Variants in EPHB1 observed in about 807,000 individuals in gnomAD.
EPHB1 encodes the protein EPH receptor B1.
In EPHB1, 30 loss-of-function variants were observed where a neutral mutation model predicts 94.4. The ratio of observed to expected loss-of-function variants is 0.32; its 90% CI spans 0.24 to 0.43. EPHB1 has a LOEUF of 0.43. Ranked by LOEUF, EPHB1 falls within the 20% of genes least tolerant of loss-of-function variation. EPHB1 has a pLI of 1.00. For synonymous variants in EPHB1, 522 were observed against 489.1 expected (o/e 1.07, Z -0.89); for missense variants, 1,055 against 1,308.3 (o/e 0.81, Z 2.99).
intron 12 of EPHB1, among the ~76,000 whole-genome samples, chr3:135,212,553 C>T (rs148755694): frequency 4.6e-5 from 7 of 152,254 alleles, no homozygotes; most frequent in Middle Eastern, 3.4e-3. Flanking sequence ...ATGCGTGTTT[C>T]GGGGGTCAGC....
intron 5 of EPHB1, among the ~76,000 whole-genome samples, chr3:135,153,290 A>G (rs1941249695): frequency 6.6e-6 from 1 of 152,214 alleles, no homozygotes; most frequent in Non-Finnish European, 1.5e-5. Flanking sequence ...CCCTGAGCAG[A>G]GCACAGATTG....
At chr3:135,039,784 C>G (rs1362647013) in intron 3 of EPHB1, among the ~76,000 whole-genome samples, 1 of 152,236 alleles carries the variant, frequency 6.6e-6, no homozygotes, top group Non-Finnish European at 1.5e-5. Flanking sequence ...GCGCCGCACG[C>G]AGCCCCGGTT....
At chr3:135,112,035 T>G (rs1476045275) in intron 4 of EPHB1, among the ~76,000 whole-genome samples, 1 of 152,174 alleles carries the variant, frequency 6.6e-6, no homozygotes, top group Non-Finnish European at 1.5e-5. Context: ...CATCGTTAGC[T>G]GGGGCTGGGA....
At position 135,154,400 on chromosome 3, in the gene EPHB1, C is replaced by T. The variant is rs1941290207; in HGVS notation, c.1422+124C>T. On this transcript the variant is annotated intron_variant, in intron 6 of 15. Coordinates refer to ENST00000398015, the MANE Select transcript of EPHB1 (RefSeq NM_004441.5). ...TGGGGAGGATTCTGGTGACAGAGGC[C>T]AGAAGGTCCCTGGGAGAGTTCTCCA... 5.0e-6 allele frequency: 7 copies of T among 1,386,388 alleles called. No homozygotes were observed. The South Asian group carries it at 8.3e-5, about 16-fold the overall frequency. The allele number at this position is 1,386,388 out of a possible 1,614,324, so 85.9% of individuals were successfully genotyped here.
intron 3 of EPHB1, among the ~76,000 whole-genome samples, chr3:135,101,530 C>T (rs560975296): frequency 9.7e-4 from 147 of 151,804 alleles, no homozygotes; most frequent in African/African-American, 3.2e-3. Context: ...CATGCCATGA[C>T]GCCCAGCTAA....
Position 135,116,452 on chromosome 3 carries a change from A to G in EPHB1, c.961+9849A>G, listed in dbSNP as rs183408496. 6.1e-3 allele frequency among the ~76,000 whole-genome samples: 928 copies of G among 152,114 alleles called. 5 individuals are homozygous for G. Among genetic ancestry groups the G allele is most frequent in the Non-Finnish European group, 9.1e-3 (616 of 67,984 alleles). On this transcript the variant is annotated intron_variant, in intron 4 of 15. Coordinates refer to ENST00000398015, the MANE Select transcript of EPHB1 (RefSeq NM_004441.5). The stretch of plus-strand genomic sequence containing the variant: ...CCCCTTTGTCTTCCCTCTTCCATCC[A>G]TGATAATGGCACCAGATCCTGATTT...
chr3:135,087,254 G>C (rs1033428665), intron 3 of EPHB1, among the ~76,000 whole-genome samples: 1 of 152,130 alleles, frequency 6.6e-6, no homozygotes, highest in Non-Finnish European at 1.5e-5. Flanking sequence ...TCGAATACCT[G>C]TCATCTTGAA....
At chr3:135,229,275 T>TATC (rs1409727807) in intron 12 of EPHB1, among the ~76,000 whole-genome samples, 1 of 152,184 alleles carries the variant, frequency 6.6e-6, no homozygotes. Flanking sequence ...TAAGTATTAT[T>TATC]ATCCCTATTG....
At chr3:135,138,309 G>A (rs1940694777) in intron 5 of EPHB1, among the ~76,000 whole-genome samples, 1 of 152,126 alleles carries the variant, frequency 6.6e-6, no homozygotes, top group Non-Finnish European at 1.5e-5. Flanking sequence ...GAAGTTCTTA[G>A]ACAGTTAAAA....
At chr3:135,130,420 G>A (rs1180300033) in intron 4 of EPHB1, among the ~76,000 whole-genome samples, 5 of 152,226 alleles carry the variant, frequency 3.3e-5, no homozygotes. Flanking sequence ...GAAGTAATCA[G>A]ACTTCAGTTG....
intron 13 of EPHB1, 63 bp downstream of exon 13, chr3:135,241,360 A>G: frequency 1.3e-6 from 2 of 1,596,652 alleles, no homozygotes; most frequent in African/African-American, 1.3e-5. Flanking sequence ...AGGCAGTAGC[A>G]TACCAATTCC....
At chr3:134,979,881 G>T (rs116669473) in intron 3 of EPHB1, among the ~76,000 whole-genome samples, 2 of 152,154 alleles carry the variant, frequency 1.3e-5, no homozygotes, top group Non-Finnish European at 2.9e-5. Context: ...GGTGGTATTT[G>T]TGTCTAGACC....
chr3:135,140,677 G>C (rs1233205328), intron 5 of EPHB1, among the ~76,000 whole-genome samples: 1 of 152,168 alleles, frequency 6.6e-6, no homozygotes, highest in Non-Finnish European at 1.5e-5. Flanking sequence ...TTCTGTGAGA[G>C]TTGCTCTTCT....
intron 1 of EPHB1, among the ~76,000 whole-genome samples, chr3:134,836,997 A>G (rs1211731744): frequency 6.6e-6 from 1 of 152,230 alleles, no homozygotes. Flanking sequence ...CTTGGATGAC[A>G]TTTTAAAATT....
chr3:135,022,221 C>T (rs1346502719), intron 3 of EPHB1, among the ~76,000 whole-genome samples: 7 of 152,310 alleles, frequency 4.6e-5, no homozygotes, highest in African/African-American at 7.2e-5. Flanking sequence ...CCCCCTGCCT[C>T]GGCCTCCCAA....
At chr3:134,954,244 G>A (rs1933150219) in intron 3 of EPHB1, among the ~76,000 whole-genome samples, 1 of 152,194 alleles carries the variant, frequency 6.6e-6, no homozygotes, top group Non-Finnish European at 1.5e-5. Flanking sequence ...TAACTCTGCA[G>A]GTAACTGGAC....
chr3:134,988,076 T>C (rs1934664813), intron 3 of EPHB1, among the ~76,000 whole-genome samples: 2 of 152,300 alleles, frequency 1.3e-5, no homozygotes, highest in Middle Eastern at 3.4e-3. Context: ...ATAGAAATCA[T>C]GGAGCTTGGC....
At chr3:135,061,374 C>CCT (rs368127146) in intron 3 of EPHB1, among the ~76,000 whole-genome samples, 2 of 126,414 alleles carry the variant, frequency 1.6e-5, no homozygotes, top group Non-Finnish European at 3.2e-5. Flanking sequence ...GACCACCCCC[C>CCT]CCGACCCAAG....
At chr3:135,160,974 C>T (rs372419670) in intron 6 of EPHB1, among the ~76,000 whole-genome samples, 23 of 152,152 alleles carry the variant, frequency 1.5e-4, no homozygotes, top group African/African-American at 5.5e-4. Context: ...TTATGAAGGA[C>T]CTGTGAATCT....
Sources: gnomAD v4.1 joint callset for allele counts (sites outside exome capture counted in the v4.1 genomes callset) on GRCh38, gnomAD v4.1.1 for gene constraint, MANE v1.5 for transcripts, NCBI Gene and HGNC (gene_info 2026-07-23, HGNC 2026-07-21) for gene names.